ROBO1: variants seen among roughly 807,000 people sequenced by gnomAD.
The protein encoded by ROBO1 is roundabout guidance receptor 1, also known as roundabout homolog 1.
In ROBO1, 149 loss-of-function variants were observed where a neutral mutation model predicts 195.9. That is an observed-to-expected ratio of 0.76 (90% confidence interval 0.67 to 0.87). ROBO1 has a LOEUF of 0.87. ROBO1 is among the 40% of genes least tolerant of loss of function. ROBO1 has a pLI of 0.00. For synonymous variants in ROBO1, 816 were observed against 733.2 expected (o/e 1.11, Z -1.82); for missense variants, 1,933 against 2,068.3 (o/e 0.93, Z 1.27).
chr3:79,266,086 A>T (rs2029918097), intron 2 of ROBO1, among the ~76,000 whole-genome samples: 1 of 151,592 alleles, frequency 6.6e-6, no homozygotes, highest in African/African-American at 2.4e-5. Context: ...AAATCAATGC[A>T]TTTACCCATG....
intron 2 of ROBO1, among the ~76,000 whole-genome samples, chr3:79,452,878 G>A (rs1206812183): frequency 1.3e-5 from 2 of 151,966 alleles, no homozygotes; most frequent in Non-Finnish European, 2.9e-5. Context: ...GAAGTTATGA[G>A]TTGATAATGT....
chr3:79,619,407 G>A (rs79899482), intron 1 of ROBO1, among the ~76,000 whole-genome samples: 4,309 of 152,012 alleles, frequency 0.028, 108 homozygotes, highest in South Asian at 0.072. Flanking sequence ...GACCTAAAAC[G>A]TAAATGTCTC....
intron 3 of ROBO1, among the ~76,000 whole-genome samples, chr3:78,947,420 A>G (rs548778304): frequency 6.6e-6 from 1 of 152,352 alleles, no homozygotes; most frequent in Admixed American, 6.5e-5. Context: ...CTCCTGAATG[A>G]CTACTGGGTA....
chr3:79,234,540 T>G (rs1345477886), intron 2 of ROBO1, among the ~76,000 whole-genome samples: 1 of 152,108 alleles, frequency 6.6e-6, no homozygotes, highest in Non-Finnish European at 1.5e-5. Context: ...ACTGCAGCAC[T>G]ATTCACAATA....
chr3:78,914,107 G>A (rs1225835066), intron 4 of ROBO1, among the ~76,000 whole-genome samples: 1 of 152,120 alleles, frequency 6.6e-6, no homozygotes, highest in East Asian at 1.9e-4. Context: ...ACATTTTAAT[G>A]TATGGGCCGT....
chr3:78,785,643 C>T (rs939037148), intron 4 of ROBO1, among the ~76,000 whole-genome samples: 5 of 152,070 alleles, frequency 3.3e-5, no homozygotes, highest in African/African-American at 4.8e-5. Context: ...TTATTAGTAC[C>T]TTCCCTCTTA....
chr3:78,735,444 G>T (rs1241424275), intron 5 of ROBO1, among the ~76,000 whole-genome samples: 2 of 152,126 alleles, frequency 1.3e-5, no homozygotes, highest in East Asian at 3.9e-4. Flanking sequence ...TCCCAAGATG[G>T]TCATAGATTA....
At chr3:79,013,888 T>C (rs192233125) in intron 3 of ROBO1, among the ~76,000 whole-genome samples, 1 of 152,304 alleles carries the variant, frequency 6.6e-6, no homozygotes, top group Non-Finnish European at 1.5e-5. Flanking sequence ...TGGAACTCCA[T>C]CTCATCTTTT....
rs142138293 is a variant in ROBO1 at position 78,911,256 on chromosome 3, C to A, written c.499+27345G>T. ...AGAAGCTCCAAAATCCAATCTATGG[C>A]AAATAATTGTGATATTCACATCTGT... On this transcript the variant is annotated intron_variant, in intron 4 of 30. Transcript: ENST00000464233. Among the ~76,000 whole-genome samples, 203 of 152,040 alleles carry A rather than the reference C, an allele frequency of 1.3e-3. 6 individuals carry two copies. The East Asian group carries it at 0.038, about 28-fold the overall frequency.
intron 2 of ROBO1, among the ~76,000 whole-genome samples, chr3:79,241,295 C>T (rs191975308): frequency 7.6e-4 from 115 of 152,216 alleles, no homozygotes; most frequent in Non-Finnish European, 1.4e-3. Flanking sequence ...ATACTTCTTT[C>T]CAAGGAAGAC....
chr3:79,557,267 C>G (rs1197369989), intron 2 of ROBO1, among the ~76,000 whole-genome samples: 5 of 151,968 alleles, frequency 3.3e-5, no homozygotes, highest in African/African-American at 1.2e-4. Flanking sequence ...TAACAAAGAA[C>G]TGAAGTTTGA....
At chr3:79,474,293 A>G (rs1938435415) in intron 2 of ROBO1, among the ~76,000 whole-genome samples, 1 of 152,152 alleles carries the variant, frequency 6.6e-6, no homozygotes, top group Non-Finnish European at 1.5e-5. Context: ...TTTACATAGC[A>G]ACAAGTCAGA....
At chr3:79,503,465 A>C (rs1213606503) in intron 2 of ROBO1, among the ~76,000 whole-genome samples, 1 of 152,214 alleles carries the variant, frequency 6.6e-6, no homozygotes, top group Non-Finnish European at 1.5e-5. Flanking sequence ...TTCCGGACAC[A>C]CAAGCACAAT....
intron 2 of ROBO1, among the ~76,000 whole-genome samples, chr3:79,305,463 G>A (rs775745199): frequency 2.1e-5 from 3 of 146,114 alleles, no homozygotes; most frequent in Non-Finnish European, 4.5e-5. Context: ...CTCCAGCCTG[G>A]GTGACAAGAG....
intron 3 of ROBO1, among the ~76,000 whole-genome samples, chr3:79,040,426 G>A (rs1338543391): frequency 6.6e-6 from 1 of 152,018 alleles, no homozygotes; most frequent in Non-Finnish European, 1.5e-5. Flanking sequence ...ATATACAAGA[G>A]CTTATAATCT....
At chr3:79,332,104 C>T (rs1040533196) in intron 2 of ROBO1, among the ~76,000 whole-genome samples, 1 of 144,412 alleles carries the variant, frequency 6.9e-6, no homozygotes, top group Non-Finnish European at 1.5e-5. Context: ...GATTGTGCCG[C>T]TGTACTCTAG....
chr3:79,493,264 A>T (rs1939561685), intron 2 of ROBO1, among the ~76,000 whole-genome samples: 1 of 152,022 alleles, frequency 6.6e-6, no homozygotes. Flanking sequence ...TTGCTACAAA[A>T]ACATAATTTT....
Position 79,410,748 on chromosome 3 carries a change from T to C in ROBO1, c.88+179076A>G, listed in dbSNP as rs2037735605. On this transcript the variant is annotated intron_variant, in intron 2 of 30. Transcript: ENST00000464233. The stretch of plus-strand genomic sequence containing the variant: ...CAAAAGAGGGATAAAGGTCCAGTAA[T>C]AATTTGGTACTGGGAAATTCGGTTG... Among the ~76,000 whole-genome samples the C allele has an allele frequency of 2.0e-5, 3 of 152,060 alleles. No individual in the cohort carries two copies. The South Asian group carries it at 6.2e-4, about 32-fold the overall frequency.
At chr3:78,829,866 T>C (rs966545608) in intron 4 of ROBO1, among the ~76,000 whole-genome samples, 1 of 152,204 alleles carries the variant, frequency 6.6e-6, no homozygotes, top group Non-Finnish European at 1.5e-5. Context: ...CTAGAAATAT[T>C]TGTTATCATT....
Sources: gnomAD v4.1 joint callset for allele counts (sites outside exome capture counted in the v4.1 genomes callset) on GRCh38, gnomAD v4.1.1 for gene constraint, MANE v1.5 for transcripts, NCBI Gene and HGNC (gene_info 2026-07-23, HGNC 2026-07-21) for gene names.